SNAP91: variants seen among roughly 807,000 people sequenced by gnomAD.
The protein encoded by SNAP91 is clathrin coat assembly protein AP180.
In SNAP91, 27 loss-of-function variants were observed where a neutral mutation model predicts 100.3. The ratio of observed to expected loss-of-function variants is 0.27; its 90% CI spans 0.20 to 0.37. SNAP91 has a LOEUF of 0.37. Ranked by LOEUF, SNAP91 falls within the 10% of genes least tolerant of loss-of-function variation. The pLI, the probability that SNAP91 is intolerant of heterozygous loss-of-function variation, is 1.00. For synonymous variants in SNAP91, 404 were observed against 398.6 expected, an observed-to-expected ratio of 1.01 and a Z score of -0.16; for missense variants, 986 against 1,123.7, an observed-to-expected ratio of 0.88 and a Z score of 1.75.
Position 83,661,535 on chromosome 6 carries a change from T to A in SNAP91, c.419A>T (p.Gln140Leu). ...CACCCTGGCAAAATCAAAGGCCATC[T>A]GTCTGTAAGAAAAAGCCTTTTCATT... ...YLNEKAFSYRQMAFDFARVKK... is the reference protein window; with the variant it reads ...YLNEKAFSYRLMAFDFARVKK... Residue 140 changes from glutamine (Q) to leucine (L), a missense_variant, in exon 5 of 30, where the codon CAG (glutamine) becomes CTG (leucine). Transcript: ENST00000369694. The A allele has an allele frequency of 6.2e-7, 1 of 1,610,834 alleles. No homozygotes were observed. The highest frequency in any genetic ancestry group is 8.5e-7 in the Non-Finnish European group (1 of 1,178,490).
At chr6:83,676,452 C>A (rs928027743) in intron 2 of SNAP91, among the ~76,000 whole-genome samples, 1 of 152,150 alleles carries the variant, frequency 6.6e-6, no homozygotes, top group African/African-American at 2.4e-5. Flanking sequence ...AGAAAGCCAG[C>A]GATTCAGTCA....
rs569435856 is a variant in SNAP91, at chr6:83,684,280, G to A, written c.131-18699C>T. ...ATCATGCTCTGAATTCTATGGTTCA[G>A]ATGAGGAACATGGGTTGGGAAAGGC... On this transcript the variant is annotated intron_variant, in intron 2 of 29. Coordinates refer to ENST00000369694, the MANE Select transcript of SNAP91 (RefSeq NM_001242792.2). Among the ~76,000 whole-genome samples, 90 of 152,256 alleles carry A rather than the reference G, an allele frequency of 5.9e-4. No homozygotes were observed. In the Middle Eastern group the frequency reaches 0.014, roughly 23 times the overall value.
chr6:83,603,516 A>G (rs2095416139), intron 14 of SNAP91, among the ~76,000 whole-genome samples: 2 of 151,276 alleles, frequency 1.3e-5, no homozygotes. Flanking sequence ...GAGCCACTGC[A>G]CTCAGTTTTT....
intron 7 of SNAP91, among the ~76,000 whole-genome samples, chr6:83,650,328 G>A (rs984948177): frequency 2.6e-5 from 4 of 152,200 alleles, no homozygotes; most frequent in African/African-American, 9.7e-5. Context: ...CAGAAGGCTA[G>A]GAGACTGAAT....
At chr6:83,665,280 AAGG>A (rs2098658894) in intron 3 of SNAP91, among the ~76,000 whole-genome samples, 156 bp downstream of exon 3, 1 of 152,072 alleles carries the variant, frequency 6.6e-6, no homozygotes, top group Non-Finnish European at 1.5e-5. Flanking sequence ...TTAACTAGCT[AAGG>A]AGAAGATTAA....
At chr6:83,681,020 A>C (rs547818390) in intron 2 of SNAP91, among the ~76,000 whole-genome samples, 4 of 152,136 alleles carry the variant, frequency 2.6e-5, no homozygotes, top group Admixed American at 6.6e-5. Context: ...CATAGTGCTT[A>C]CAATTATAAC....
chr6:83,661,830 T>A (rs1345191141), intron 4 of SNAP91, among the ~76,000 whole-genome samples: 2 of 152,226 alleles, frequency 1.3e-5, no homozygotes, highest in Non-Finnish European at 2.9e-5. Flanking sequence ...CAGTACAGAA[T>A]ATGTTTTTAA....
intron 2 of SNAP91, among the ~76,000 whole-genome samples, chr6:83,679,600 C>T (rs543070480): frequency 1.3e-5 from 2 of 152,108 alleles, no homozygotes; most frequent in Non-Finnish European, 2.9e-5. Flanking sequence ...CCAGGCCAAC[C>T]CGTTCCATTC....
At position 83,708,007 on chromosome 6, in the gene SNAP91, C is replaced by G; in HGVS notation, c.-30-50G>C. 4.8e-6 allele frequency: 7 copies of G among 1,445,054 alleles called. No individual in the cohort carries two copies. The South Asian group carries it at 9.0e-5, about 19-fold the overall frequency. The allele number at this position is 1,445,054 out of a possible 1,614,324, so 89.5% of individuals were successfully genotyped here. A position where few individuals can be genotyped will look rare whatever the true frequency, so the allele number is the denominator to read the frequency against. Reference sequence around the variant, plus strand: ...CCGGCTTTAATCCGCAGACCCTACCCTCCAAGCACCCAGGCCTTGCCTCCT... The same window carrying G: ...CCGGCTTTAATCCGCAGACCCTACCGTCCAAGCACCCAGGCCTTGCCTCCT... On this transcript the variant is annotated intron_variant, in intron 1 of 29. Coordinates refer to ENST00000369694, the MANE Select transcript of SNAP91 (RefSeq NM_001242792.2).
chr6:83,707,536 CGTGTGTGTGTGT>C (rs70987765), intron 2 of SNAP91, among the ~76,000 whole-genome samples: 1 of 148,958 alleles, frequency 6.7e-6, no homozygotes, highest in Non-Finnish European at 1.5e-5. Flanking sequence ...TATACATATG[CGTGTGTGTGTGT>C]GTGTGTGTGT....
chr6:83,653,610 G>A (rs1049285401), intron 7 of SNAP91, among the ~76,000 whole-genome samples: 4 of 152,098 alleles, frequency 2.6e-5, no homozygotes, highest in South Asian at 4.2e-4. Flanking sequence ...CTGCCATGTC[G>A]GGTTCTGATG....
chr6:83,692,170 T>G (rs1365585009), intron 2 of SNAP91, among the ~76,000 whole-genome samples: 1 of 152,202 alleles, frequency 6.6e-6, no homozygotes, highest in African/African-American at 2.4e-5. Flanking sequence ...GAAAGGCTCT[T>G]TCCTCTAATA....
In SNAP91 at chr6:83,694,859, C is replaced by T. The variant is rs138326997; in HGVS notation, c.130+12939G>A. ...TTTGATCTATGGTCCTGTAACCTGC[C>T]AACACAACAGTCATGACTAATACGG... On this transcript the variant is annotated intron_variant, in intron 2 of 29. Coordinates refer to ENST00000369694, the MANE Select transcript of SNAP91 (RefSeq NM_001242792.2). Among the ~76,000 whole-genome samples the T allele has an allele frequency of 5.5e-3, 836 of 152,190 alleles. 37 individuals are homozygous for T. Among genetic ancestry groups the T allele is most frequent in the Admixed American group, 0.051 (777 of 15,282 alleles).
chr6:83,665,647 G>T, intron 2 of SNAP91, 66 bp from the exon 3 acceptor site: 2 of 1,457,500 alleles, frequency 1.4e-6, no homozygotes, highest in Admixed American at 1.9e-5. Context: ...TTTCAAACTT[G>T]GAACATATAA....
chr6:83,620,704 G>A (rs1213525630), intron 9 of SNAP91, among the ~76,000 whole-genome samples: 1 of 150,358 alleles, frequency 6.7e-6, no homozygotes. Context: ...TCTATGAACA[G>A]GTTTTTTTTT....
intron 2 of SNAP91, among the ~76,000 whole-genome samples, chr6:83,699,934 T>C (rs1430650537): frequency 6.6e-6 from 1 of 152,138 alleles, no homozygotes; most frequent in Admixed American, 6.5e-5. Context: ...AAAATATAGT[T>C]CAAGAAAAGG....
intron 28 of SNAP91, among the ~76,000 whole-genome samples, chr6:83,558,590 C>A (rs970443479): frequency 4.7e-4 from 72 of 152,166 alleles, no homozygotes; most frequent in African/African-American, 1.7e-3. Flanking sequence ...ATTTTGGGAA[C>A]AGGTCAATGG....
chr6:83,707,265 C>T (rs2099393047), intron 2 of SNAP91, among the ~76,000 whole-genome samples: 1 of 151,410 alleles, frequency 6.6e-6, no homozygotes, highest in Non-Finnish European at 1.5e-5. Flanking sequence ...ATACCTCACA[C>T]ACACACACAC....
intron 8 of SNAP91, among the ~76,000 whole-genome samples, chr6:83,628,819 TTACTC>T (rs1202041403): frequency 2.6e-5 from 4 of 152,186 alleles, no homozygotes; most frequent in Non-Finnish European, 4.4e-5. Context: ...GGTTGTCTGT[TTACTC>T]TGCTGACTAT....
Sources: gnomAD v4.1 joint callset for allele counts (sites outside exome capture counted in the v4.1 genomes callset) on GRCh38, gnomAD v4.1.1 for gene constraint, MANE v1.5 for transcripts, NCBI Gene and HGNC (gene_info 2026-07-23, HGNC 2026-07-21) for gene names.